RPL35A: variants seen among roughly 807,000 people sequenced by gnomAD.
RPL35A encodes the protein ribosomal protein L35a, also known as large ribosomal subunit protein eL33.
Under a neutral mutation model 16.7 loss-of-function variants are expected in RPL35A, and 1 was observed. That is an observed-to-expected ratio of 0.06 (90% CI 0.02 to 0.28). The LOEUF is 0.28. Among genes scored for constraint, RPL35A ranks in the 10% least tolerant of loss-of-function variants. The pLI is 1.00. For missense variants in RPL35A, 91 were observed against 138.7 expected (o/e 0.66, Z 1.73); for synonymous variants, 58 against 47.0 (o/e 1.23, Z -0.96).
intron 1 of RPL35A, chr3:197,950,699 C>T (rs1560119524): frequency 1.8e-6 from 1 of 562,508 alleles, no homozygotes; most frequent in South Asian, 2.3e-5. Context: ...ATTTTTGTGA[C>T]TCCTGTCCCT....
intron 3 of RPL35A, chr3:197,951,628 C>G (rs748063428): frequency 5.5e-6 from 2 of 364,056 alleles, no homozygotes; most frequent in Non-Finnish European, 1.0e-5. Flanking sequence ...GCTGAGATTA[C>G]AGGCTTGAGC....
Position 197,954,147 on chromosome 3 carries a change from G to A in RPL35A, c.309G>A (p.Val103=). The change falls in exon 4 of 5, where the codon GTG becomes GTA. Residue 103 remains valine (V), a splice_region_variant and synonymous_variant. Transcript: ENST00000647248. ...PAKAIGHRIR[V]MLYPSRI is the part of the protein sequence containing the mutation. ...AGGCCATTGGACACAGAATCCGAGT[G>A]GTGAGTATGGTTTTTAGCAAAATGG... is the stretch of plus-strand genomic sequence containing the variant. 1 of 1,614,146 alleles carries A rather than the reference G, an allele frequency of 6.2e-7. No individual in the cohort carries two copies.
Position 197,956,508 on chromosome 3 carries a change from T to C in RPL35A, c.*735T>C, listed in dbSNP as rs1720531474. On this transcript the variant is annotated 3_prime_UTR_variant, in exon 5 of 5. Coordinates refer to ENST00000647248, the MANE Select transcript of RPL35A (RefSeq NM_000996.4). ...CGGAAAGGTGGCAGCTTTCTTTGGCTTCATGTTTTAATCTGGTAAAGTTCA... is the reference window on the plus strand; with the variant it reads ...CGGAAAGGTGGCAGCTTTCTTTGGCCTCATGTTTTAATCTGGTAAAGTTCA... 1 of 152,196 alleles carries C rather than the reference T, an allele frequency of 6.6e-6. No individual in the cohort carries two copies. Among genetic ancestry groups the C allele is most frequent in the African/African-American group, 2.4e-5 (1 of 41,442 alleles). The allele number at this position is 152,196 out of a possible 1,614,324, so 9.4% of individuals were successfully genotyped here. A position where few individuals can be genotyped will look rare whatever the true frequency, so the allele number is the denominator to read the frequency against.
At chr3:197,951,731 C>T (rs1480442563) in intron 3 of RPL35A, 1 of 210,020 alleles carries the variant, frequency 4.8e-6, no homozygotes, top group Admixed American at 5.3e-5. Context: ...TGACAAGAGT[C>T]TCTGTTGCCC....
intron 3 of RPL35A, 60 bp from the exon 4 acceptor site, chr3:197,953,943 C>G: frequency 6.3e-7 from 1 of 1,593,458 alleles, no homozygotes; most frequent in East Asian, 2.2e-5. Context: ...TAGAGGTCAC[C>G]TTGAATTTGT....
chr3:197,953,305 G>C (rs1720266969), intron 3 of RPL35A, among the ~76,000 whole-genome samples: 1 of 152,220 alleles, frequency 6.6e-6, no homozygotes, highest in South Asian at 2.1e-4. Flanking sequence ...GATGCCAGGA[G>C]ATAGAGGCTG....
Position 197,951,091 on chromosome 3 carries a change from G to A in RPL35A, c.12-68G>A, listed in dbSNP as rs140508647. On this transcript the variant is annotated intron_variant, in intron 2 of 4. Coordinates refer to ENST00000647248, the MANE Select transcript of RPL35A (RefSeq NM_000996.4). ...GTTTGCTCTGAGTAACTTTTGGGTGGGGGTGATTACAAGTCAGATTGGTTT... is the reference window on the plus strand; with the variant it reads ...GTTTGCTCTGAGTAACTTTTGGGTGAGGGTGATTACAAGTCAGATTGGTTT... The A allele has an allele frequency of 3.5e-3, 5,564 of 1,607,488 alleles. 11 individuals carry two copies. Among genetic ancestry groups the A allele is most frequent in the Middle Eastern group, 8.3e-3 (49 of 5,894 alleles).
intron 3 of RPL35A, chr3:197,951,580 T>G: frequency 2.3e-6 from 1 of 433,870 alleles, no homozygotes; most frequent in Non-Finnish European, 4.3e-6. Context: ...CCCAAACTCC[T>G]GACCTTAGGT....
chr3:197,955,593 C>T (rs1017053639), intron 4 of RPL35A, among the ~76,000 whole-genome samples, 157 bp from the exon 5 acceptor site: 1 of 152,080 alleles, frequency 6.6e-6, no homozygotes, highest in African/African-American at 2.4e-5. Flanking sequence ...CCGGTTCTTA[C>T]GGTATGTTCA....
chr3:197,950,367 G>C, intron 1 of RPL35A, 146 bp downstream of exon 1: 1 of 1,212,474 alleles, frequency 8.2e-7, no homozygotes. Context: ...ACAGGATGGA[G>C]GAGATGTTGG....
At chr3:197,950,265 G>A in intron 1 of RPL35A, 44 bp downstream of exon 1, 1 of 1,230,404 alleles carries the variant, frequency 8.1e-7, no homozygotes, top group Non-Finnish European at 1.0e-6. Context: ...CAAATAACCG[G>A]AGTAGGTTTG....
chr3:197,953,850 G>A (rs2109813384), intron 3 of RPL35A, 153 bp from the exon 4 acceptor site: 2 of 735,680 alleles, frequency 2.7e-6, no homozygotes, highest in Non-Finnish European at 4.9e-6. Flanking sequence ...TACTCGATAA[G>A]TATCTGTTGA....
chr3:197,953,704 C>CT (rs377619027), intron 3 of RPL35A: 6 of 462,110 alleles, frequency 1.3e-5, no homozygotes, highest in Non-Finnish European at 2.0e-5. Flanking sequence ...CACACTTGTC[C>CT]TTTTTTGCTA....
In RPL35A at chr3:197,953,673, T is replaced by G. The variant is rs191532987; in HGVS notation, c.165-330T>G. 2.3e-5 allele frequency: 10 copies of G among 438,678 alleles called. No homozygotes were observed. In the Admixed American group the frequency reaches 2.9e-4, roughly 13 times the overall value. 27.2% of individuals were successfully genotyped at this position (438,678 alleles called of 1,614,324 possible). A position where few individuals can be genotyped will look rare whatever the true frequency, so the allele number is the denominator to read the frequency against. On this transcript the variant is annotated intron_variant, in intron 3 of 4. Transcript: ENST00000647248. ...TTTAAAATGGCAGGTAATTCCTCCT[T>G]TCTGTACACACAAATATCCTCACAC...
At chr3:197,952,961 C>T (rs547854723) in intron 3 of RPL35A, among the ~76,000 whole-genome samples, 3 of 151,456 alleles carry the variant, frequency 2.0e-5, no homozygotes, top group Non-Finnish European at 2.9e-5. Context: ...CCACCACACC[C>T]GGCTAACTTT....
At chr3:197,951,073 CTGAG>C in intron 2 of RPL35A, 82 bp from the exon 3 acceptor site, 1 of 1,604,482 alleles carries the variant, frequency 6.2e-7, no homozygotes, top group Non-Finnish European at 8.5e-7. Flanking sequence ...GATGTTTGCT[CTGAG>C]TAACTTTTGG....
At chr3:197,953,380 A>C in intron 3 of RPL35A, 2 of 454,298 alleles carry the variant, frequency 4.4e-6, no homozygotes, top group South Asian at 1.6e-5. Flanking sequence ...TGGTCTTTAA[A>C]GGAAATATAT....
intron 1 of RPL35A, chr3:197,950,598 T>G (rs1719981458): frequency 2.6e-6 from 1 of 384,182 alleles, no homozygotes; most frequent in African/African-American, 2.0e-5. Flanking sequence ...ATAAAAGTCT[T>G]ACGTGTGTGT....
intron 3 of RPL35A, chr3:197,951,574 A>C: frequency 2.2e-6 from 1 of 444,596 alleles, no homozygotes; most frequent in Non-Finnish European, 4.1e-6. Context: ...GCTGGTCCCA[A>C]ACTCCTGACC....
Sources: gnomAD v4.1 joint callset for allele counts (sites outside exome capture counted in the v4.1 genomes callset) on GRCh38, gnomAD v4.1.1 for gene constraint, MANE v1.5 for transcripts, NCBI Gene and HGNC (gene_info 2026-07-23, HGNC 2026-07-21) for gene names.